MYO1B: variants seen among roughly 807,000 people sequenced by gnomAD.
MYO1B encodes unconventional myosin-Ib.
Under a neutral mutation model 159.7 loss-of-function variants are expected in MYO1B, and 72 were observed. The ratio of observed to expected loss-of-function variants is 0.45; its 90% CI spans 0.37 to 0.55. The LOEUF is 0.55. Ranked by LOEUF, MYO1B falls within the 20% of genes least tolerant of loss-of-function variation. The pLI is 0.00. For missense variants in MYO1B, 1,062 were observed against 1,364.8 expected, an observed-to-expected ratio of 0.78 and a Z score of 3.50; for synonymous variants, 468 against 473.8, an observed-to-expected ratio of 0.99 and a Z score of 0.16.
chr2:191,399,091 C>G (rs1458297403), intron 21 of MYO1B, among the ~76,000 whole-genome samples: 18 of 152,178 alleles, frequency 1.2e-4, no homozygotes. Flanking sequence ...CAGCAAAACC[C>G]CGTCTCCACC....
intron 24 of MYO1B, 112 bp downstream of exon 24, chr2:191,402,830 GA>G: frequency 8.0e-6 from 6 of 752,316 alleles, no homozygotes; most frequent in South Asian, 5.1e-5. Context: ...CAGTCTTGTA[GA>G]ATGTCATCTT....
intron 3 of MYO1B, among the ~76,000 whole-genome samples, chr2:191,304,143 C>T (rs1483853447): frequency 6.6e-6 from 1 of 152,180 alleles, no homozygotes; most frequent in Admixed American, 6.5e-5. Context: ...CTTCCTGAGG[C>T]TGGGTCTGCA....
intron 3 of MYO1B, among the ~76,000 whole-genome samples, chr2:191,302,075 G>C (rs1689370082): frequency 6.6e-6 from 1 of 152,022 alleles, no homozygotes; most frequent in South Asian, 2.1e-4. Flanking sequence ...TCCTTTCTAC[G>C]TCTCATACCC....
intron 13 of MYO1B, among the ~76,000 whole-genome samples, chr2:191,370,583 G>A (rs1197369205): frequency 6.6e-6 from 1 of 152,048 alleles, no homozygotes; most frequent in Non-Finnish European, 1.5e-5. Flanking sequence ...AAAAGAACTC[G>A]TATTAGTACC....
At chr2:191,271,137 A>G (rs1040427860) in intron 1 of MYO1B, among the ~76,000 whole-genome samples, 2 of 152,238 alleles carry the variant, frequency 1.3e-5, no homozygotes, top group African/African-American at 4.8e-5. Context: ...AGGTGCTGTC[A>G]TGCATACATG....
At chr2:191,369,732 C>T (rs1436766297) in intron 12 of MYO1B, 104 bp downstream of exon 12, 2 of 818,298 alleles carry the variant, frequency 2.4e-6, no homozygotes, top group South Asian at 1.7e-5. Context: ...TTGATTGCCA[C>T]TTACAAAGAT....
chr2:191,344,919 G>A (rs1006970506), intron 5 of MYO1B, among the ~76,000 whole-genome samples: 1 of 151,210 alleles, frequency 6.6e-6, no homozygotes, highest in African/African-American at 2.4e-5. Context: ...CTGAATTACC[G>A]GAGTTAACAT....
intron 24 of MYO1B, among the ~76,000 whole-genome samples, 194 bp downstream of exon 24, chr2:191,402,912 T>C (rs977016800): frequency 2.7e-4 from 41 of 152,242 alleles, no homozygotes; most frequent in Non-Finnish European, 5.1e-4. Context: ...TTTCTATTTC[T>C]TTAAATAATA....
At chr2:191,302,683 T>C (rs1406456963) in intron 3 of MYO1B, among the ~76,000 whole-genome samples, 1 of 152,146 alleles carries the variant, frequency 6.6e-6, no homozygotes, top group Non-Finnish European at 1.5e-5. Context: ...GATGTGTCCT[T>C]CTTAAGTTAG....
intron 24 of MYO1B, among the ~76,000 whole-genome samples, chr2:191,403,703 T>C (rs1696747580): frequency 6.6e-6 from 1 of 152,240 alleles, no homozygotes. Flanking sequence ...TAAATTATCC[T>C]TTTTGATTAT....
chr2:191,392,671 G>A (rs1013998239), intron 19 of MYO1B, among the ~76,000 whole-genome samples: 1 of 152,142 alleles, frequency 6.6e-6, no homozygotes, highest in Admixed American at 6.5e-5. Context: ...ATAGATGAGT[G>A]TGAAGTGTAA....
chr2:191,413,757 A>C (rs13432849), intron 27 of MYO1B, among the ~76,000 whole-genome samples: 8,459 of 152,184 alleles, frequency 0.056, 791 homozygotes, highest in African/African-American at 0.19. Flanking sequence ...CTTGAGTCTT[A>C]GCTGTTGTTC....
intron 30 of MYO1B, among the ~76,000 whole-genome samples, chr2:191,416,950 T>C (rs1490546149): frequency 6.6e-6 from 1 of 152,238 alleles, no homozygotes; most frequent in Non-Finnish European, 1.5e-5. Context: ...GGTTGGGGCA[T>C]CCCCAGATTT....
chr2:191,335,737 G>A lies in MYO1B; in HGVS notation c.346+5708G>A, dbSNP rs538795359. ...AAGTCTTTACTTAATAGTTTGTATA[G>A]AACCACCATGTAGTATTAGAGGGCT... is the stretch of plus-strand genomic sequence containing the variant. On this transcript the variant is annotated intron_variant, in intron 4 of 30. Transcript: ENST00000392318. Among the ~76,000 whole-genome samples the A allele has an allele frequency of 3.9e-5, 6 of 152,240 alleles. No individual in the cohort carries two copies. In the South Asian group the frequency reaches 1.2e-3, roughly 32 times the overall value.
chr2:191,331,781 G>A (rs559240875), intron 4 of MYO1B, among the ~76,000 whole-genome samples: 4 of 152,204 alleles, frequency 2.6e-5, no homozygotes, highest in Admixed American at 2.6e-4. Context: ...CATAAGTGGA[G>A]TGAAGGAAAA....
chr2:191,277,561 A>G (rs1444731502), intron 2 of MYO1B, among the ~76,000 whole-genome samples: 1 of 152,266 alleles, frequency 6.6e-6, no homozygotes, highest in Non-Finnish European at 1.5e-5. Context: ...AAACAGAAGC[A>G]TAAATATGTA....
At chr2:191,414,428 G>T in intron 28 of MYO1B, 89 bp from the exon 29 acceptor site, 1 of 1,252,124 alleles carries the variant, frequency 8.0e-7, no homozygotes, top group Non-Finnish European at 1.1e-6. Flanking sequence ...GAAGGATATT[G>T]GAATTTTTGC....
intron 3 of MYO1B, among the ~76,000 whole-genome samples, chr2:191,307,728 A>G (rs574761304): frequency 6.6e-6 from 1 of 152,202 alleles, no homozygotes; most frequent in East Asian, 1.9e-4. Context: ...TGCTTAGTCA[A>G]CCCCACACGT....
At chr2:191,407,893 A>G in intron 24 of MYO1B, 1 of 358,918 alleles carries the variant, frequency 2.8e-6, no homozygotes, top group Non-Finnish European at 5.0e-6. Context: ...AAGAGGATTT[A>G]AAACATCAAT....
Sources: allele counts gnomAD v4.1 joint callset (sites outside exome capture counted in the v4.1 genomes callset), GRCh38; gene constraint gnomAD v4.1.1; transcripts MANE v1.5; gene names NCBI Gene and HGNC (gene_info 2026-07-23, HGNC 2026-07-21).